Variants in CASKIN2 observed in about 807,000 individuals in gnomAD.
CASKIN2 encodes CASK interacting protein 2, also known as caskin-2.
Under a neutral mutation model 107.1 loss-of-function variants are expected in CASKIN2, and 41 were observed. That is an observed-to-expected ratio of 0.38 (90% CI 0.30 to 0.50). CASKIN2 has a LOEUF of 0.50. Among genes scored for constraint, CASKIN2 ranks in the 20% least tolerant of loss-of-function variants. CASKIN2 has a pLI of 0.92. For synonymous variants in CASKIN2, 724 were observed against 705.6 expected (o/e 1.03, Z -0.41); for missense variants, 1,546 against 1,657.4 (o/e 0.93, Z 1.17).
rs768786355 is a variant in CASKIN2, at chr17:75,505,479, T to G, written c.930+78A>C. The G allele has an allele frequency of 1.5e-6, 2 of 1,346,688 alleles. No individual in the cohort carries two copies. Among genetic ancestry groups the G allele is most frequent in the Non-Finnish European group, 2.1e-6 (2 of 938,246 alleles). 83.4% of individuals were successfully genotyped at this position (1,346,688 alleles called of 1,614,324 possible). On this transcript the variant is annotated intron_variant, in intron 10 of 19. Transcript: ENST00000321617. The surrounding 1 kb of genome is among the most constrained non-coding windows in gnomAD (Gnocchi z 5.1). ...CATATAGAGACCTCAGAGCAGAACG[T>G]GGTAACATAGCAGGTGCCCAAATAA...
In CASKIN2 at chr17:75,506,319, G is replaced by A. The variant is rs140678295; in HGVS notation, c.712C>T (p.Arg238Trp). 6.2e-6 allele frequency: 10 copies of A among 1,611,282 alleles called. No homozygotes were observed. The African/African-American group carries it at 6.7e-5, about 11-fold the overall frequency. Reference sequence around the variant, plus strand: ...CCCATACCCACCTCCAGAAGCAGCCGCACCACCTCGGTCTTGCCATACAGT... The same window carrying A: ...CCCATACCCACCTCCAGAAGCAGCCACACCACCTCGGTCTTGCCATACAGT... ...AALYGKTEVV[R>W]LLLEGGVDVN... Residue 238 changes from arginine (R) to tryptophan (W), a missense_variant, in exon 8 of 20, where the codon CGG becomes TGG. Physicochemically the swap from Arg to Trp is moderately radical, Grantham distance 101 (BLOSUM62 -3). Transcript: ENST00000321617. The surrounding 1 kb of genome is among the most constrained non-coding windows in gnomAD (Gnocchi z 4.8).
intron 2 of CASKIN2, chr17:75,509,739 G>C: frequency 1.0e-6 from 1 of 985,618 alleles, no homozygotes; most frequent in South Asian, 4.7e-5. Flanking sequence ...CTGAGCCCCA[G>C]TGGAGACAAT....
chr17:75,513,635 A>C (rs1296539788), intron 2 of CASKIN2, 76 bp downstream of exon 2: 1 of 1,042,248 alleles, frequency 9.6e-7, no homozygotes, highest in Non-Finnish European at 1.5e-6. Flanking sequence ...GATCACAGTG[A>C]CCCACCCCCA....
Position 75,502,183 on chromosome 17 carries a change from G to A in CASKIN2, c.2891C>T (p.Pro964Leu), listed in dbSNP as rs776777316. Reference sequence around the variant, plus strand: ...TCGGGGCGGGGGGCCAGCGGGCTTCGGGCGCTGTTTGATGGTCAGGTTCCC... The same window carrying A: ...TCGGGGCGGGGGGCCAGCGGGCTTCAGGCGCTGTTTGATGGTCAGGTTCCC... Reference protein sequence around the residue: ...EEGNLTIKQRPKPAGPPPRET... With the variant: ...EEGNLTIKQRLKPAGPPPRET... The change falls in exon 18 of 20, where the codon CCG becomes CTG. Residue 964 changes from proline to leucine, a missense_variant. Pro to Leu is a moderately conservative substitution (Grantham distance 98). Around this residue, in one of 6 missense-constraint regions of CASKIN2, gnomAD observed 1,311 missense variants for 1,311.0 expected, o/e 1.00. Coordinates refer to ENST00000321617, the MANE Select transcript of CASKIN2 (RefSeq NM_020753.5). The surrounding 1 kb of genome is among the most constrained non-coding windows in gnomAD (Gnocchi z 4.3). 9 of 1,600,244 alleles carry A rather than the reference G, an allele frequency of 5.6e-6. No homozygotes were observed. The highest frequency in any genetic ancestry group is 1.7e-5 in the Admixed American group (1 of 59,934).
chr17:75,513,154 T>C (rs1220863017), intron 2 of CASKIN2, among the ~76,000 whole-genome samples: 1 of 151,716 alleles, frequency 6.6e-6, no homozygotes, highest in Non-Finnish European at 1.5e-5. Context: ...GAACAGAGCC[T>C]GAGCCAGGCA....
At position 75,500,882 on chromosome 17, in the gene CASKIN2, G is replaced by A. The variant is rs2053170532; in HGVS notation, c.*198C>T. 6.8e-6 allele frequency: 4 copies of A among 585,524 alleles called. No homozygotes were observed. The highest frequency in any genetic ancestry group is 2.9e-5 in the East Asian group (1 of 34,210). The allele number at this position is 585,524 out of a possible 1,614,324, so 36.3% of individuals were successfully genotyped here. A position where few individuals can be genotyped will look rare whatever the true frequency, so the allele number is the denominator to read the frequency against. ...TGCTGAGATGCAGCGGAGGTCCCTC[G>A]CTAGTCAGGTTCTAAGGTGGGCTGC... On this transcript the variant is annotated 3_prime_UTR_variant, in exon 20 of 20. Coordinates refer to ENST00000321617, the MANE Select transcript of CASKIN2 (RefSeq NM_020753.5).
chr17:75,511,754 C>T, intron 2 of CASKIN2, among the ~76,000 whole-genome samples: 1 of 152,154 alleles, frequency 6.6e-6, no homozygotes, highest in East Asian at 1.9e-4. Flanking sequence ...GACCTCCTTC[C>T]CCACAGACGC....
rs1455412868 is a variant in CASKIN2, at chr17:75,502,613, T to C, written c.2461A>G (p.Ser821Gly). 6.2e-7 allele frequency: 1 copy of C among 1,604,250 alleles called. No individual in the cohort carries two copies. Among genetic ancestry groups the C allele is most frequent in the Admixed American group, 1.7e-5 (1 of 59,226 alleles). ...AEGEAEGPVG[S>G]TLGSYATLTR... ...AGGGTAGCATAACTGCCTAGGGTGCTGCCCACTGGCCCTTCGGCCTCCCCC... is the reference window on the plus strand; with the variant it reads ...AGGGTAGCATAACTGCCTAGGGTGCCGCCCACTGGCCCTTCGGCCTCCCCC... The change falls in exon 18 of 20, where the codon AGC becomes GGC. Residue 821 changes from serine to glycine, a missense_variant. By Grantham distance (56) the Ser-to-Gly change is moderately conservative (BLOSUM62 0). This residue lies in a region of CASKIN2 where 1,311 missense variants were observed against 1,311.0 expected (regional missense o/e 1.00). Transcript: ENST00000321617. This position sits in a 1 kb window ranked among gnomAD's most constrained non-coding sequence, Gnocchi z 4.3.
intron 1 of CASKIN2, among the ~76,000 whole-genome samples, chr17:75,514,616 G>A (rs1420817949): frequency 2.0e-5 from 3 of 152,196 alleles, no homozygotes; most frequent in Non-Finnish European, 2.9e-5. Flanking sequence ...AGGCAGGCGG[G>A]CAGGGGTCAC....
chr17:75,502,961 A>T lies in CASKIN2; in HGVS notation c.2113T>A (p.Ser705Thr), dbSNP rs765198949. Residue 705 changes from serine to threonine, a missense_variant, in exon 18 of 20, where the codon TCA (serine) becomes ACA (threonine). This residue lies in a region of CASKIN2 where 1,311 missense variants were observed against 1,311.0 expected (regional missense o/e 1.00). Transcript: ENST00000321617. This position sits in a 1 kb window ranked among gnomAD's most constrained non-coding sequence, Gnocchi z 4.3. ...TCCTGTGAGTGGCCAGACCCCCGTG[A>T]GCGTGCCCCGATGCTCTCCTGGCTG... ...SPSQESIGAR[S>T]RGSGHSQEQP... is the part of the protein sequence containing the mutation. The T allele has an allele frequency of 1.3e-6, 2 of 1,592,600 alleles. No individual in the cohort carries two copies. The highest frequency in any genetic ancestry group is 1.7e-6 in the Non-Finnish European group (2 of 1,168,934).
chr17:75,504,591 A>G lies in CASKIN2; in HGVS notation c.1295T>C (p.Leu432Pro), dbSNP rs145322514. The G allele has an allele frequency of 1.2e-6, 2 of 1,601,796 alleles. No individual in the cohort carries two copies. The highest frequency in any genetic ancestry group is 2.2e-5 in the South Asian group (2 of 90,454). The part of the protein sequence containing the change: ...SEGTNGHGPG[L>P]LIENAQPLPS... The stretch of plus-strand genomic sequence containing the variant: ...TCCTACCTGGGCGTTCTCAATCAGG[A>G]GGCCAGGGCCATGGCCATTAGTGCC... Residue 432 changes from leucine (L) to proline (P), a missense_variant, in exon 12 of 20, where the codon CTC becomes CCC. Coordinates refer to ENST00000321617, the MANE Select transcript of CASKIN2 (RefSeq NM_020753.5).
rs770535550 is a variant in CASKIN2, at chr17:75,502,605, T to G, written c.2469A>C (p.Leu823=). Residue 823 remains leucine (L), a synonymous_variant, in exon 18 of 20, where the codon CTA becomes CTC. Transcript: ENST00000321617. This position sits in a 1 kb window ranked among gnomAD's most constrained non-coding sequence, Gnocchi z 4.3. ...GCCGGGTAAGGGTAGCATAACTGCC[T>G]AGGGTGCTGCCCACTGGCCCTTCGG... The part of the protein sequence containing the change: ...GEAEGPVGST[L]GSYATLTRRP... 6.2e-7 allele frequency: 1 copy of G among 1,602,782 alleles called. No homozygotes were observed. Among genetic ancestry groups the G allele is most frequent in the Non-Finnish European group, 8.5e-7 (1 of 1,174,472 alleles).
rs375076327 is a variant in CASKIN2 at position 75,506,456 on chromosome 17, G to T, written c.618-43C>A. The T allele has an allele frequency of 1.3e-6, 2 of 1,588,508 alleles. No individual in the cohort carries two copies. The highest frequency in any genetic ancestry group is 1.1e-5 in the South Asian group (1 of 90,560). On this transcript the variant is annotated intron_variant, in intron 7 of 19. Transcript: ENST00000321617. This position sits in a 1 kb window ranked among gnomAD's most constrained non-coding sequence, Gnocchi z 4.8. ...AGTCACGGGGGAGGTGGCGTAGGAG[G>T]GGGTGCTGACTGCTGGGGGCCTGGG...
At chr17:75,512,862 T>C (rs1224030884) in intron 2 of CASKIN2, among the ~76,000 whole-genome samples, 2 of 149,714 alleles carry the variant, frequency 1.3e-5, no homozygotes, top group Non-Finnish European at 3.0e-5. Flanking sequence ...ATCATGCCAC[T>C]GCACTCCAGG....
Position 75,502,685 on chromosome 17 carries a change from G to T in CASKIN2, c.2389C>A (p.Arg797=). 1 of 1,600,472 alleles carries T rather than the reference G, an allele frequency of 6.2e-7. No homozygotes were observed. The highest frequency in any genetic ancestry group is 8.5e-7 in the Non-Finnish European group (1 of 1,173,018). ...TPPDPPRPKR[R]SHSLSRPGPT... is the part of the protein sequence containing the mutation. ...CCAGGGCGGCTTAGGCTGTGGGACC[G>T]GCGCTTAGGTCGAGGCGGGTCTGGG... The change falls in exon 18 of 20, where the codon CGG becomes AGG. Residue 797 remains arginine, a synonymous_variant. Transcript: ENST00000321617. The surrounding 1 kb of genome is among the most constrained non-coding windows in gnomAD (Gnocchi z 4.3).
chr17:75,502,675 C>A lies in CASKIN2; in HGVS notation c.2399G>T (p.Ser800Ile). The change falls in exon 18 of 20, where the codon AGC becomes ATC. Residue 800 changes from serine to isoleucine, a missense_variant. Physicochemically the swap from Ser to Ile is moderately radical, Grantham distance 142 (BLOSUM62 -2). Transcript: ENST00000321617. The surrounding 1 kb of genome is among the most constrained non-coding windows in gnomAD (Gnocchi z 4.3). Reference protein sequence around the residue: ...DPPRPKRRSHSLSRPGPTEGD... With the variant: ...DPPRPKRRSHILSRPGPTEGD... ...CTCTGTGGGGCCAGGGCGGCTTAGG[C>A]TGTGGGACCGGCGCTTAGGTCGAGG... 1 of 1,600,806 alleles carries A rather than the reference C, an allele frequency of 6.2e-7. No individual in the cohort carries two copies. The highest frequency in any genetic ancestry group is 1.3e-5 in the African/African-American group (1 of 74,116).
Position 75,502,674 on chromosome 17 carries a change from G to A in CASKIN2, c.2400C>T (p.Ser800=), listed in dbSNP as rs1303584341. 1 of 1,602,678 alleles carries A rather than the reference G, an allele frequency of 6.2e-7. No homozygotes were observed. The highest frequency in any genetic ancestry group is 8.5e-7 in the Non-Finnish European group (1 of 1,174,432). Residue 800 remains serine, a synonymous_variant, in exon 18 of 20, where the codon AGC becomes AGT. Coordinates refer to ENST00000321617, the MANE Select transcript of CASKIN2 (RefSeq NM_020753.5). The surrounding 1 kb of genome is among the most constrained non-coding windows in gnomAD (Gnocchi z 4.3). ...CCTCTGTGGGGCCAGGGCGGCTTAG[G>A]CTGTGGGACCGGCGCTTAGGTCGAG... ...DPPRPKRRSH[S]LSRPGPTEGD...
At position 75,502,744 on chromosome 17, in the gene CASKIN2, G is replaced by A; in HGVS notation, c.2330C>T (p.Ala777Val). 1 of 1,589,978 alleles carries A rather than the reference G, an allele frequency of 6.3e-7. No homozygotes were observed. Among genetic ancestry groups the A allele is most frequent in the Non-Finnish European group, 8.6e-7 (1 of 1,167,016 alleles). Residue 777 changes from alanine (A) to valine (V), a missense_variant, in exon 18 of 20, where the codon GCC (alanine) becomes GTC (valine). By Grantham distance (64) the Ala-to-Val change is moderately conservative (BLOSUM62 0). Transcript: ENST00000321617. The surrounding 1 kb of genome is among the most constrained non-coding windows in gnomAD (Gnocchi z 4.3). ...APGPPPGAPW[A>V]FSYLAGPPAT... ...AGGGGGCCCGGCCAAGTAGGAGAAGGCCCAGGGTGCGCCAGGAGGTGGCCC... is the reference window on the plus strand; with the variant it reads ...AGGGGGCCCGGCCAAGTAGGAGAAGACCCAGGGTGCGCCAGGAGGTGGCCC...
Position 75,501,976 on chromosome 17 carries a change from G to A in CASKIN2, c.3098C>T (p.Ala1033Val). 2 of 1,611,626 alleles carry A rather than the reference G, an allele frequency of 1.2e-6. No homozygotes were observed. Among genetic ancestry groups the A allele is most frequent in the East Asian group, 2.2e-5 (1 of 44,820 alleles). ...GGGCTCGGGCTGGGGAAGGCTAGAA[G>A]CTGGAGGAGACTCGCCAGGAGTTGG... Reference protein sequence around the residue: ...PSPTPGESPPASSLPQPEPSS... With the variant: ...PSPTPGESPPVSSLPQPEPSS... The change falls in exon 18 of 20, where the codon GCT (alanine) becomes GTT (valine). Residue 1033 changes from alanine (A) to valine (V), a missense_variant. Transcript: ENST00000321617.
Sources: gnomAD v4.1 joint callset for allele counts (sites outside exome capture counted in the v4.1 genomes callset) on GRCh38, gnomAD v4.1.1 for gene constraint, gnomAD v4.1.1 regional missense constraint, Gnocchi (gnomAD v3.1) non-coding constraint, MANE v1.5 for transcripts, NCBI Gene and HGNC (gene_info 2026-07-23, HGNC 2026-07-21) for gene names.